MYOM1: variants seen among roughly 807,000 people sequenced by gnomAD.
MYOM1 encodes myomesin 1, also known as myomesin-1.
Under a neutral mutation model 205.3 loss-of-function variants are expected in MYOM1, and 164 were observed. The observed-to-expected ratio is 0.80, with a 90% CI of 0.70 to 0.91. The LOEUF (loss-of-function observed/expected upper bound fraction) is 0.91. MYOM1 is among the 40% of genes least tolerant of loss of function. The pLI is 0.00. For synonymous variants in MYOM1, 772 were observed against 789.4 expected, an observed-to-expected ratio of 0.98 and a Z score of 0.37; for missense variants, 2,011 against 2,127.3, an observed-to-expected ratio of 0.95 and a Z score of 1.08.
In MYOM1 at chr18:3,215,018, G is replaced by A. The variant is rs748396935; in HGVS notation, c.206C>T (p.Ser69Phe). ...GGCGTGCTGCGAGGCCTGCTGCTGG[G>A]AGGAGGAGGCGGACGCCCGACGGAA... Reference protein sequence around the residue: ...EAFRRASASSSQQQASQHALS... With the variant: ...EAFRRASASSFQQQASQHALS... Residue 69 changes from serine to phenylalanine, a missense_variant, in exon 2 of 38, where the codon TCC becomes TTC. By Grantham distance (155) the Ser-to-Phe change is radical (BLOSUM62 -2). Transcript: ENST00000356443. 6.2e-7 allele frequency: 1 copy of A among 1,612,446 alleles called. No homozygotes were observed. The highest frequency in any genetic ancestry group is 1.3e-5 in the African/African-American group (1 of 75,010).
intron 18 of MYOM1, among the ~76,000 whole-genome samples, chr18:3,127,305 A>ATATATTTTTTT (rs56880961): frequency 1.1e-4 from 5 of 47,570 alleles, no homozygotes; most frequent in Non-Finnish European, 1.5e-4. Context: ...ATATATATAT[A>ATATATTTTTTT]TTTTTTTTTT....
chr18:3,225,137 G>A, the MYOM1 span, among the ~76,000 whole-genome samples: 1 of 152,040 alleles, frequency 6.6e-6, no homozygotes, highest in Non-Finnish European at 1.5e-5. Flanking sequence ...ACAGGCACCT[G>A]CCACCACGCC....
chr18:3,067,564 C>T lies in MYOM1; in HGVS notation c.4765-9G>A, dbSNP rs775700888. The T allele has an allele frequency of 6.2e-7, 1 of 1,608,438 alleles. No homozygotes were observed. The highest frequency in any genetic ancestry group is 8.5e-7 in the Non-Finnish European group (1 of 1,175,872). On this transcript the variant is annotated splice_polypyrimidine_tract_variant and intron_variant, in intron 37 of 37. Coordinates refer to ENST00000356443, the MANE Select transcript of MYOM1 (RefSeq NM_003803.4). ...CAAGTGAGATTAAGGGCCTGCAAGA[C>T]AGGTTTTATGGGAGAGAAGAAGATA...
chr18:3,126,753 G>A lies in MYOM1; in HGVS notation c.2939C>T (p.Pro980Leu), dbSNP rs2079791229. The A allele has an allele frequency of 3.7e-6, 6 of 1,613,722 alleles. No homozygotes were observed. Among genetic ancestry groups the A allele is most frequent in the Non-Finnish European group, 5.1e-6 (6 of 1,179,812 alleles). The part of the protein sequence containing the change: ...VNYREVIDGV[P>L]GKWREANVKA... ...GACATTGGCTTCTCTCCATTTTCCT[G>A]GTACCCCATCAATGACCTCGCGATA... is the stretch of plus-strand genomic sequence containing the variant. The change falls in exon 19 of 38, where the codon CCA becomes CTA. Residue 980 changes from proline (P) to leucine (L), a missense_variant. Transcript: ENST00000356443.
At chr18:3,125,994 C>G (rs550916113) in intron 19 of MYOM1, among the ~76,000 whole-genome samples, 1 of 152,012 alleles carries the variant, frequency 6.6e-6, no homozygotes, top group Admixed American at 6.6e-5. Context: ...CCCAGCCGGC[C>G]GCGGTGGCTC....
chr18:3,073,176 AG>A (rs1421557307), intron 36 of MYOM1, among the ~76,000 whole-genome samples: 1 of 151,914 alleles, frequency 6.6e-6, no homozygotes, highest in African/African-American at 2.4e-5. Flanking sequence ...AGTTCTTGGT[AG>A]TGCTGTGCAG....
chr18:3,089,667 T>G (rs368893146), intron 27 of MYOM1, 71 bp from the exon 28 acceptor site: 202 of 1,179,894 alleles, frequency 1.7e-4, no homozygotes, highest in Non-Finnish European at 2.2e-4. Context: ...GCCACTGCAC[T>G]AAGTGATTTA....
In MYOM1 at chr18:3,067,517, A is replaced by G. The variant is rs1382552576; in HGVS notation, c.4803T>C (p.Pro1601=). 2 of 1,613,834 alleles carry G rather than the reference A, an allele frequency of 1.2e-6. No homozygotes were observed. Among genetic ancestry groups the G allele is most frequent in the Non-Finnish European group, 1.7e-6 (2 of 1,179,864 alleles). Residue 1601 remains proline, a synonymous_variant, in exon 38 of 38, where the codon CCT becomes CCC. Coordinates refer to ENST00000356443, the MANE Select transcript of MYOM1 (RefSeq NM_003803.4). ...NLTCNVWGDP[P]PEVSWLKNEK... The stretch of plus-strand genomic sequence containing the variant: ...CGTTCTTCAACCACGACACCTCCGG[A>G]GGCGGGTCTCCCCACACGTTGCAAG...
In MYOM1 at chr18:3,152,874, C is replaced by G. The variant is rs1353126230; in HGVS notation, c.1644-981G>C. ...ATCACCTTCCTCTCTTTGATATGGA[C>G]AATAGACAATTTCCTTATGTAAAGT... On this transcript the variant is annotated intron_variant, in intron 11 of 37. Coordinates refer to ENST00000356443, the MANE Select transcript of MYOM1 (RefSeq NM_003803.4). The surrounding 1 kb of genome is among the most constrained non-coding windows in gnomAD (Gnocchi z 4.3). Among the ~76,000 whole-genome samples, 4 of 152,102 alleles carry G rather than the reference C, an allele frequency of 2.6e-5. No homozygotes were observed. The highest frequency in any genetic ancestry group is 5.9e-5 in the Non-Finnish European group (4 of 68,030).
At chr18:3,164,524 C>A in intron 9 of MYOM1, 85 bp from the exon 10 acceptor site, 1 of 1,274,552 alleles carries the variant, frequency 7.8e-7, no homozygotes, top group South Asian at 1.4e-5. Context: ...TCTCCTTAGC[C>A]TTTTCTATAA....
chr18:3,192,622 T>C (rs181802968), intron 3 of MYOM1, among the ~76,000 whole-genome samples: 104 of 152,324 alleles, frequency 6.8e-4, no homozygotes, highest in African/African-American at 2.2e-3. Flanking sequence ...ACCTGAGCTA[T>C]GGGAATAACT....
At chr18:3,240,178 G>A in the MYOM1 span, among the ~76,000 whole-genome samples, 10 of 152,152 alleles carry the variant, frequency 6.6e-5, no homozygotes, top group East Asian at 1.9e-4. Context: ...ATTCATTAAC[G>A]AACTATTATA....
In MYOM1 at chr18:3,085,115, A is replaced by T; in HGVS notation, c.4269T>A (p.Ala1423=). ...LLITEFSKKD[A]GIYEVILKDD... ...CTTTCAGGATAACTTCATAAATCCC[A>T]GCATCTTTCTTGGAAAACTAAGGGG... The change falls in exon 31 of 38, where the codon GCT becomes GCA. Residue 1423 remains alanine, a synonymous_variant. Transcript: ENST00000356443. 3 of 1,607,138 alleles carry T rather than the reference A, an allele frequency of 1.9e-6. No individual in the cohort carries two copies. Among genetic ancestry groups the T allele is most frequent in the Non-Finnish European group, 2.5e-6 (3 of 1,176,752 alleles).
intron 9 of MYOM1, among the ~76,000 whole-genome samples, chr18:3,166,890 C>T (rs1253217802): frequency 6.6e-6 from 1 of 152,072 alleles, no homozygotes; most frequent in African/African-American, 2.4e-5. Flanking sequence ...AGCTTTAAAA[C>T]ATAATCGTCT....
At chr18:3,132,943 G>A (rs934936119) in intron 16 of MYOM1, among the ~76,000 whole-genome samples, 1 of 151,932 alleles carries the variant, frequency 6.6e-6, no homozygotes, top group African/African-American at 2.4e-5. Context: ...ATGACTATTC[G>A]CATGTTCAAG....
intron 22 of MYOM1, among the ~76,000 whole-genome samples, chr18:3,109,483 T>G (rs1360363484): frequency 6.6e-6 from 1 of 152,216 alleles, no homozygotes; most frequent in African/African-American, 2.4e-5. Flanking sequence ...TTTGTGGTAT[T>G]CTTATCCAGA....
chr18:3,094,278 A>G lies in MYOM1; in HGVS notation c.3756T>C (p.Val1252=), dbSNP rs1360604218. The G allele has an allele frequency of 1.2e-6, 2 of 1,613,702 alleles. No homozygotes were observed. Among genetic ancestry groups the G allele is most frequent in the Non-Finnish European group, 1.7e-6 (2 of 1,179,796 alleles). The part of the protein sequence containing the change: ...PTVPVKSELA[V]EILEKGQVRF... ...GGACCTGGCCTTTCTCCAAAATTTCAACTGCCAACTCTGATTTAACTGGGA... is the reference window on the plus strand; with the variant it reads ...GGACCTGGCCTTTCTCCAAAATTTCGACTGCCAACTCTGATTTAACTGGGA... The change falls in exon 26 of 38, where the codon GTT becomes GTC. Residue 1252 remains valine, a synonymous_variant. Transcript: ENST00000356443.
At position 3,152,205 on chromosome 18, in the gene MYOM1, A is replaced by C. The variant is rs2143994086; in HGVS notation, c.1644-312T>G. 6.6e-6 allele frequency among the ~76,000 whole-genome samples: 1 copy of C among 152,314 alleles called. No individual in the cohort carries two copies. Among genetic ancestry groups the C allele is most frequent in the South Asian group, 2.1e-4 (1 of 4,830 alleles). On this transcript the variant is annotated intron_variant, in intron 11 of 37. Transcript: ENST00000356443. This position sits in a 1 kb window ranked among gnomAD's most constrained non-coding sequence, Gnocchi z 4.3. ...TAAGCAGATAAATATCTCCAATCTT[A>C]GCATTGGAGAAGATCCCCAAACATC...
At chr18:3,110,290 G>C (rs1307629635) in intron 22 of MYOM1, among the ~76,000 whole-genome samples, 1 of 152,166 alleles carries the variant, frequency 6.6e-6, no homozygotes. Flanking sequence ...AGAAGCAGAG[G>C]AAAGTGAGTT....
Sources: gnomAD v4.1 joint callset for allele counts (sites outside exome capture counted in the v4.1 genomes callset) on GRCh38, gnomAD v4.1.1 for gene constraint, Gnocchi (gnomAD v3.1) non-coding constraint, MANE v1.5 for transcripts, NCBI Gene and HGNC (gene_info 2026-07-23, HGNC 2026-07-21) for gene names.